Variants in GCNT2 observed in about 807,000 individuals in gnomAD.
The protein encoded by GCNT2 is glucosaminyl (N-acetyl) transferase 2 (I blood group), also known as N-acetyllactosaminide beta-1,6-N-acetylglucosaminyl-transferase.
GCNT2 carries 34 observed loss-of-function variants against 34.2 expected under a neutral mutation model. The observed-to-expected ratio is 1.00, with a 90% confidence interval of 0.76 to 1.32. GCNT2 has a LOEUF of 1.32. Among genes scored for constraint, GCNT2 ranks in the 40% most tolerant of loss-of-function variants. GCNT2 has a pLI of 0.00. For missense variants in GCNT2, 584 were observed against 489.4 expected (o/e 1.19, Z -1.82); for synonymous variants, 212 against 188.0 (o/e 1.13, Z -1.04).
chr6:10,585,223 A>G (rs1289741558), intron 3 of GCNT2, among the ~76,000 whole-genome samples: 1 of 152,160 alleles, frequency 6.6e-6, no homozygotes, highest in African/African-American at 2.4e-5. Flanking sequence ...ACTGTCGCCC[A>G]GGCTGGAGTG....
chr6:10,621,418 G>GGAA lies in GCNT2; in HGVS notation c.996_998dup (p.Glu332dup), dbSNP rs773862979. On this transcript the variant is annotated inframe_insertion, in exon 4 of 5. Coordinates refer to ENST00000495262, the MANE Select transcript of GCNT2 (RefSeq NM_145649.5). ...TCAGAGCTATAAAGTGGAGTGACAT[G>GGAA]GAAGACAGACACGGAGGCTGCCACG... 1 of 1,613,146 alleles carries GGAA rather than the reference G, an allele frequency of 6.2e-7. No individual in the cohort carries two copies.
chr6:10,614,413 G>A (rs1443097604), intron 3 of GCNT2, among the ~76,000 whole-genome samples: 2 of 152,042 alleles, frequency 1.3e-5, no homozygotes, highest in Admixed American at 6.6e-5. Context: ...GAGCACTTGA[G>A]TTCAGCTCAA....
intron 3 of GCNT2, chr6:10,586,671 C>T (rs754069345): frequency 6.2e-6 from 10 of 1,614,058 alleles, no homozygotes; most frequent in South Asian, 3.3e-5. Flanking sequence ...TGCAATTAAG[C>T]GAACTAAATA....
chr6:10,602,627 G>C (rs1419904771), intron 3 of GCNT2, among the ~76,000 whole-genome samples: 1 of 151,646 alleles, frequency 6.6e-6, no homozygotes, highest in Non-Finnish European at 1.5e-5. Flanking sequence ...CTTTTGACCT[G>C]TCTCGGTTTG....
intron 3 of GCNT2, among the ~76,000 whole-genome samples, chr6:10,536,459 A>G (rs1394498018): frequency 6.6e-6 from 1 of 150,892 alleles, no homozygotes; most frequent in Non-Finnish European, 1.5e-5. Flanking sequence ...GGTTCACGCC[A>G]TTCTCCTGCC....
intron 3 of GCNT2, among the ~76,000 whole-genome samples, chr6:10,570,153 T>G (rs1232382578): frequency 6.6e-6 from 1 of 152,184 alleles, no homozygotes; most frequent in East Asian, 1.9e-4. Context: ...CAGGCTGGTC[T>G]TGAACTCCTG....
At chr6:10,590,077 A>G (rs990297339) in intron 3 of GCNT2, among the ~76,000 whole-genome samples, 1 of 152,184 alleles carries the variant, frequency 6.6e-6, no homozygotes, top group Non-Finnish European at 1.5e-5. Flanking sequence ...TCCAGGCTTT[A>G]TAATGGCTTC....
chr6:10,602,422 A>G (rs1765126587), intron 3 of GCNT2, among the ~76,000 whole-genome samples: 3 of 152,212 alleles, frequency 2.0e-5, no homozygotes, highest in Admixed American at 6.5e-5. Context: ...CCAAATGTCC[A>G]GGTTAAATGG....
intron 3 of GCNT2, among the ~76,000 whole-genome samples, chr6:10,552,052 C>A (rs1165183945): frequency 6.6e-6 from 1 of 152,186 alleles, no homozygotes; most frequent in Admixed American, 6.5e-5. Flanking sequence ...AGCTACTGCA[C>A]CTGGCCTGAG....
chr6:10,579,776 A>G lies in GCNT2; in HGVS notation c.926-41575A>G, dbSNP rs868848025. ...GGTTGCAGTGAGCTGAGATCGTGCCACTGCGCTCCAGCCTGGGCCACAGAG... is the reference window on the plus strand; with the variant it reads ...GGTTGCAGTGAGCTGAGATCGTGCCGCTGCGCTCCAGCCTGGGCCACAGAG... On this transcript the variant is annotated intron_variant, in intron 3 of 4. Coordinates refer to ENST00000495262, the MANE Select transcript of GCNT2 (RefSeq NM_145649.5). 5.3e-4 allele frequency among the ~76,000 whole-genome samples: 78 copies of G among 146,506 alleles called. No homozygotes were observed. The Middle Eastern group carries it at 0.016, about 30-fold the overall frequency.
chr6:10,618,876 A>T (rs1253364406), intron 3 of GCNT2, among the ~76,000 whole-genome samples: 1 of 152,198 alleles, frequency 6.6e-6, no homozygotes, highest in Non-Finnish European at 1.5e-5. Context: ...ATTCAAGTTT[A>T]GGTAGCAAGA....
chr6:10,556,799 G>A (rs1762730571), intron 3 of GCNT2: 10 of 1,614,172 alleles, frequency 6.2e-6, no homozygotes, highest in Non-Finnish European at 8.5e-6. Context: ...CTGTGTTCAT[G>A]TGGATGAAAA....
intron 3 of GCNT2, among the ~76,000 whole-genome samples, chr6:10,579,845 A>C (rs1289427860): frequency 2.0e-5 from 3 of 151,450 alleles, no homozygotes; most frequent in African/African-American, 7.3e-5. Context: ...AAAAAAAAAA[A>C]AAACAAGTAA....
At chr6:10,536,760 G>C (rs1209209984) in intron 3 of GCNT2, among the ~76,000 whole-genome samples, 2 of 146,192 alleles carry the variant, frequency 1.4e-5, no homozygotes, top group Admixed American at 1.4e-4. Context: ...CTGGAGTACA[G>C]TGGCGCAATC....
In GCNT2 at chr6:10,628,479, C is replaced by G. The variant is rs947579016; in HGVS notation, c.*1872C>G. ...TAAGGAATAGGGACAGCTGGTCACA[C>G]AAGGAACTCTTGAAGGCCACATGTG... On this transcript the variant is annotated 3_prime_UTR_variant, in exon 5 of 5. Transcript: ENST00000495262. 2 of 152,128 alleles carry G rather than the reference C, an allele frequency of 1.3e-5. No individual in the cohort carries two copies. The highest frequency in any genetic ancestry group is 2.4e-5 in the African/African-American group (1 of 41,416). The allele number at this position is 152,128 out of a possible 1,614,324, so 9.4% of individuals were successfully genotyped here.
intron 3 of GCNT2, among the ~76,000 whole-genome samples, chr6:10,539,432 GC>G (rs1561785614): frequency 6.6e-6 from 1 of 151,530 alleles, no homozygotes; most frequent in Non-Finnish European, 1.5e-5. Flanking sequence ...CAGGCGATCC[GC>G]CCACCTCAGC....
chr6:10,546,940 A>T (rs1762300720), intron 3 of GCNT2, among the ~76,000 whole-genome samples: 1 of 152,168 alleles, frequency 6.6e-6, no homozygotes, highest in African/African-American at 2.4e-5. Flanking sequence ...AATATACTTT[A>T]TGGAATCATT....
rs141940083 is a variant in GCNT2 at position 10,600,978 on chromosome 6, G to C, written c.926-20373G>C. Among the ~76,000 whole-genome samples the C allele has an allele frequency of 3.9e-3, 586 of 152,184 alleles. 5 individuals are homozygous for C. The highest frequency in any genetic ancestry group is 0.014 in the African/African-American group (562 of 41,496). ...GCAAATTTTTTGTATTTTTTGTAGA[G>C]ATGGGGTTTCGCCATTTTGCCCAGG... is the stretch of plus-strand genomic sequence containing the variant. On this transcript the variant is annotated intron_variant, in intron 3 of 4. Transcript: ENST00000495262.
rs147049009 is a variant in GCNT2, at chr6:10,525,494, A to G, written c.-468-1980A>G. ...ACACAAACGCAAGAGCCTAGAGCCC[A>G]GAATTGAGGAGAGTGATTACTGATA... On this transcript the variant is annotated intron_variant, in intron 1 of 4. Coordinates refer to ENST00000495262, the MANE Select transcript of GCNT2 (RefSeq NM_145649.5). Among the ~76,000 whole-genome samples, 340 of 152,308 alleles carry G rather than the reference A, an allele frequency of 2.2e-3. 1 individual carries two copies. Among genetic ancestry groups the G allele is most frequent in the African/African-American group, 7.7e-3 (320 of 41,566 alleles).
Sources: gnomAD v4.1 joint callset for allele counts (sites outside exome capture counted in the v4.1 genomes callset) on GRCh38, gnomAD v4.1.1 for gene constraint, MANE v1.5 for transcripts, NCBI Gene and HGNC (gene_info 2026-07-23, HGNC 2026-07-21) for gene names.